Variants in MAD1L1 observed in about 807,000 individuals in gnomAD.
The protein encoded by MAD1L1 is mitotic arrest deficient 1 like 1.
In MAD1L1, 95 loss-of-function variants were observed where a neutral mutation model predicts 96.9. That is an observed-to-expected ratio of 0.98 (90% CI 0.83 to 1.16). The LOEUF is 1.16. MAD1L1 is among the 50% of genes most tolerant of loss of function. The pLI is 0.00. For synonymous variants in MAD1L1, 473 were observed against 396.6 expected, an observed-to-expected ratio of 1.19 and a Z score of -2.29; for missense variants, 1,007 against 954.4, an observed-to-expected ratio of 1.06 and a Z score of -0.73.
chr7:1,891,891 T>C (rs974610807), intron 18 of MAD1L1, among the ~76,000 whole-genome samples: 5 of 152,324 alleles, frequency 3.3e-5, no homozygotes, highest in Admixed American at 6.5e-5. Context: ...ATTCATTTAT[T>C]ATTGAAGAAA....
intron 18 of MAD1L1, among the ~76,000 whole-genome samples, chr7:1,822,008 C>G (rs545812137): frequency 6.6e-6 from 1 of 152,094 alleles, no homozygotes; most frequent in Non-Finnish European, 1.5e-5. Context: ...TGACGGCACA[C>G]GTGGAAAACC....
chr7:1,844,553 G>A (rs184687737), intron 18 of MAD1L1, among the ~76,000 whole-genome samples: 100 of 152,262 alleles, frequency 6.6e-4, no homozygotes, highest in Non-Finnish European at 1.2e-3. Flanking sequence ...GGCAGGGGAC[G>A]CAGCTTGGGA....
chr7:1,918,225 G>A (rs969245899), intron 17 of MAD1L1, among the ~76,000 whole-genome samples: 9 of 152,272 alleles, frequency 5.9e-5, no homozygotes, highest in Non-Finnish European at 1.2e-4. Flanking sequence ...GCCCAGTGGG[G>A]ACCGCCCCAG....
At chr7:2,069,913 C>G (rs1255996503) in intron 11 of MAD1L1, among the ~76,000 whole-genome samples, 2 of 152,222 alleles carry the variant, frequency 1.3e-5, no homozygotes, top group South Asian at 4.1e-4. Flanking sequence ...TTTGAAACCT[C>G]CCTTTTCCCT....
intron 10 of MAD1L1, among the ~76,000 whole-genome samples, chr7:2,182,641 G>C (rs1452986924): frequency 6.6e-6 from 1 of 152,196 alleles, no homozygotes; most frequent in Non-Finnish European, 1.5e-5. Context: ...TGGTGGAAGG[G>C]AGCGCTGATC....
rs892629417 is a variant in MAD1L1, at chr7:1,898,278, C to A, written c.1920G>T (p.Gln640His). The change falls in exon 18 of 19, where the codon CAG becomes CAT. Residue 640 changes from glutamine to histidine, a missense_variant. Gln to His is a conservative substitution (Grantham distance 24, BLOSUM62 0). Transcript: ENST00000265854. ...ACTGGTTCTCCGTGGTGATGTCGAT[C>A]TGGTAGCCGGTGAGCGTGTAGCAGG... ...RKACYTLTGY[Q>H]IDITTENQYR... The A allele has an allele frequency of 6.2e-6, 10 of 1,614,052 alleles. No homozygotes were observed. Among genetic ancestry groups the A allele is most frequent in the Non-Finnish European group, 6.8e-6 (8 of 1,180,038 alleles).
intron 11 of MAD1L1, among the ~76,000 whole-genome samples, chr7:2,073,919 G>C (rs909553716): frequency 6.6e-6 from 1 of 152,218 alleles, no homozygotes; most frequent in Non-Finnish European, 1.5e-5. Flanking sequence ...AAGCACTCGG[G>C]CCCGCGTCAT....
intron 11 of MAD1L1, among the ~76,000 whole-genome samples, chr7:2,120,781 T>C (rs967561758): frequency 5.3e-5 from 8 of 152,186 alleles, no homozygotes; most frequent in African/African-American, 1.7e-4. Flanking sequence ...GGAGGCAGCC[T>C]GCGAGCCCCC....
chr7:1,861,215 G>A (rs955736948), intron 18 of MAD1L1, among the ~76,000 whole-genome samples: 1 of 152,210 alleles, frequency 6.6e-6, no homozygotes, highest in African/African-American at 2.4e-5. Flanking sequence ...GCTAGGCTCT[G>A]GGGAGCAGGG....
intron 17 of MAD1L1, among the ~76,000 whole-genome samples, chr7:1,916,645 C>T (rs1035354217): frequency 6.6e-6 from 1 of 152,206 alleles, no homozygotes; most frequent in African/African-American, 2.4e-5. Flanking sequence ...AGCAGCTGCC[C>T]AGGCCAGGCC....
chr7:1,870,184 G>A (rs1186207658), intron 18 of MAD1L1, among the ~76,000 whole-genome samples: 2 of 152,024 alleles, frequency 1.3e-5, no homozygotes, highest in East Asian at 3.9e-4. Context: ...CCTAGTTGGT[G>A]CCCAACATAT....
intron 16 of MAD1L1, among the ~76,000 whole-genome samples, chr7:1,946,108 C>A (rs1293106838): frequency 6.6e-6 from 1 of 152,200 alleles, no homozygotes; most frequent in Non-Finnish European, 1.5e-5. Context: ...GGCTCTGCAG[C>A]CCAGGAGGCA....
chr7:1,906,244 C>A lies in MAD1L1; in HGVS notation c.1808-7854G>T, dbSNP rs989264075. 2.0e-5 allele frequency among the ~76,000 whole-genome samples: 3 copies of A among 152,116 alleles called. No individual in the cohort carries two copies. In the East Asian group the frequency reaches 5.8e-4, roughly 29 times the overall value. On this transcript the variant is annotated intron_variant, in intron 17 of 18. Coordinates refer to ENST00000265854, the MANE Select transcript of MAD1L1 (RefSeq NM_001013836.2). The stretch of plus-strand genomic sequence containing the variant: ...GTCCCCGAACCCCAAGCAGCCTCTT[C>A]CCAGGCTGGCCTCGGTTGTGTATGC...
intron 18 of MAD1L1, among the ~76,000 whole-genome samples, chr7:1,896,057 C>T (rs1786849172): frequency 6.6e-6 from 1 of 152,238 alleles, no homozygotes. Flanking sequence ...GCCTCCCGTA[C>T]GCTGTGTGTC....
At chr7:2,121,499 G>T (rs542161933) in intron 11 of MAD1L1, among the ~76,000 whole-genome samples, 22 of 152,360 alleles carry the variant, frequency 1.4e-4, no homozygotes, top group African/African-American at 5.3e-4. Flanking sequence ...CACCAGGCAG[G>T]TGCTCACTGA....
At chr7:2,157,788 C>A (rs890057809) in intron 10 of MAD1L1, among the ~76,000 whole-genome samples, 1 of 152,272 alleles carries the variant, frequency 6.6e-6, no homozygotes, top group Non-Finnish European at 1.5e-5. Flanking sequence ...ACACCTCCAA[C>A]TGGCAGGAAG....
chr7:2,188,823 AT>A (rs1385884122), intron 10 of MAD1L1, among the ~76,000 whole-genome samples: 1 of 152,236 alleles, frequency 6.6e-6, no homozygotes, highest in African/African-American at 2.4e-5. Context: ...CAAAAAAAAA[AT>A]AGACAAATGA....
At chr7:1,864,404 G>A (rs1190017100) in intron 18 of MAD1L1, among the ~76,000 whole-genome samples, 1 of 152,192 alleles carries the variant, frequency 6.6e-6, no homozygotes, top group African/African-American at 2.4e-5. Context: ...CAGATCAAAG[G>A]TCCAGCCCTT....
intron 18 of MAD1L1, among the ~76,000 whole-genome samples, chr7:1,824,928 GA>G (rs1782313217): frequency 6.6e-6 from 1 of 151,696 alleles, no homozygotes; most frequent in Non-Finnish European, 1.5e-5. Context: ...TCAGGGGTGA[GA>G]AAACCCTTCA....
Sources: gnomAD v4.1 joint callset for allele counts (sites outside exome capture counted in the v4.1 genomes callset) on GRCh38, gnomAD v4.1.1 for gene constraint, MANE v1.5 for transcripts, NCBI Gene and HGNC (gene_info 2026-07-23, HGNC 2026-07-21) for gene names.